TAF5L: variants seen among roughly 807,000 people sequenced by gnomAD.
TAF5L encodes the protein TATA-box binding protein associated factor 5 like, also known as TAF5-like RNA polymerase II p300/CBP-associated factor-associated factor 65 kDa subunit 5L.
A neutral mutation model predicts 51.3 loss-of-function variants in TAF5L; 7 were observed. The observed-to-expected ratio is 0.14, with a 90% CI of 0.08 to 0.26. The LOEUF (loss-of-function observed/expected upper bound fraction) is 0.26, where lower values mean the gene tolerates loss of function less well. TAF5L is among the 10% of genes least tolerant of loss of function. The pLI is 1.00. For synonymous variants in TAF5L, 291 were observed against 308.1 expected (o/e 0.94, Z 0.58); for missense variants, 575 against 758.9 (o/e 0.76, Z 2.85).
chr1:229,614,039 C>T, intron 2 of TAF5L: 1 of 603,308 alleles, frequency 1.7e-6, no homozygotes, highest in Non-Finnish European at 2.9e-6. Flanking sequence ...TAATTGTTTA[C>T]AGAAGGAAAA....
intron 4 of TAF5L, chr1:229,601,335 C>T (rs953003411): frequency 1.0e-6 from 1 of 985,232 alleles, no homozygotes; most frequent in African/African-American, 1.7e-5. Context: ...ATTTTCCATC[C>T]AAAGTAATGT....
At chr1:229,601,666 T>A in intron 4 of TAF5L, 1 of 989,768 alleles carries the variant, frequency 1.0e-6, no homozygotes, top group Non-Finnish European at 1.2e-6. Context: ...AGCCACAGGA[T>A]ATGCACTGGC....
chr1:229,614,290 G>T, intron 2 of TAF5L, 51 bp downstream of exon 2: 1 of 1,614,064 alleles, frequency 6.2e-7, no homozygotes, highest in Non-Finnish European at 8.5e-7. Context: ...GGATATTGAC[G>T]TGAGTTCTCC....
intron 1 of TAF5L, among the ~76,000 whole-genome samples, chr1:229,621,947 C>T (rs538658261): frequency 3.3e-5 from 5 of 152,196 alleles, no homozygotes; most frequent in African/African-American, 1.2e-4. Flanking sequence ...AATCCATATA[C>T]TCCTGCTGGA....
chr1:229,616,395 G>T (rs193037493), intron 1 of TAF5L, among the ~76,000 whole-genome samples: 40 of 114,320 alleles, frequency 3.5e-4, no homozygotes, highest in African/African-American at 1.1e-3. Context: ...TAGTAGAGAA[G>T]GGGTTTTGCT....
exon 2 of TAF5L, chr1:229,614,390 T>G (rs1309700951): frequency 6.2e-7 from 1 of 1,614,108 alleles, no homozygotes; most frequent in African/African-American, 1.3e-5. Context: ...GCCGCAGTCC[T>G]TGCTTCAGGG....
In TAF5L at chr1:229,594,819, C is replaced by T. The variant is rs754358895; in HGVS notation, c.1248G>A (p.Thr416=). 12 of 1,614,084 alleles carry T rather than the reference C, an allele frequency of 7.4e-6. No homozygotes were observed. Among genetic ancestry groups the T allele is most frequent in the East Asian group, 6.7e-5 (3 of 44,892 alleles). ...GTCCTGCATATATCCTCAGCGGGTA[C>T]GTCCGATCAAATGACCACAGCCTGG... The change falls in exon 5 of 5, where the codon ACG becomes ACA. Residue 416 remains threonine, a synonymous_variant. Transcript: ENST00000258281. This position sits in a 1 kb window ranked among gnomAD's most constrained non-coding sequence, Gnocchi z 7.9.
chr1:229,598,603 T>C (rs554363005), intron 4 of TAF5L, among the ~76,000 whole-genome samples: 96 of 152,164 alleles, frequency 6.3e-4, no homozygotes, highest in Non-Finnish European at 9.6e-4. Flanking sequence ...AGCAAATCCT[T>C]GGTTTGGTAT....
rs1164607212 is a variant in TAF5L, at chr1:229,625,352, C to G, written c.-4+533G>C. The stretch of plus-strand genomic sequence containing the variant: ...GACACCCTTGCAGGTAAGCACTCTC[C>G]TGCAGCAGCTAGTCTAACTCTGGCT... On this transcript the variant is annotated intron_variant, in intron 1 of 4. Coordinates refer to ENST00000258281, the Ensembl canonical transcript of TAF5L. The surrounding 1 kb of genome is among the most constrained non-coding windows in gnomAD (Gnocchi z 4.0). Among the ~76,000 whole-genome samples, 1 of 152,200 alleles carries G rather than the reference C, an allele frequency of 6.6e-6. No homozygotes were observed. The highest frequency in any genetic ancestry group is 1.5e-5 in the Non-Finnish European group (1 of 68,042).
chr1:229,595,588 G>A (rs1348911999), intron 4 of TAF5L, among the ~76,000 whole-genome samples: 2 of 152,214 alleles, frequency 1.3e-5, no homozygotes, highest in African/African-American at 4.8e-5. Flanking sequence ...ATTTCGTTAA[G>A]TCCTGACATG....
chr1:229,614,273 T>C lies in TAF5L; in HGVS notation c.142+68A>G, dbSNP rs753657752. ...CTGTCTTGAGAAGAGGAGAAGTAAT[T>C]CCACATGGATATTGACGTGAGTTCT... On this transcript the variant is annotated intron_variant, in intron 2 of 4. Transcript: ENST00000258281. 1.2e-5 allele frequency: 20 copies of C among 1,613,646 alleles called. No homozygotes were observed. In the Admixed American group the frequency reaches 3.2e-4, roughly 26 times the overall value.
At chr1:229,610,923 A>AAAAC (rs1353452281) in intron 2 of TAF5L, among the ~76,000 whole-genome samples, 1 of 152,168 alleles carries the variant, frequency 6.6e-6, no homozygotes, top group Non-Finnish European at 1.5e-5. Flanking sequence ...TTAAGTATTT[A>AAAAC]AAACAAGGTA....
intron 2 of TAF5L, among the ~76,000 whole-genome samples, chr1:229,613,364 A>G (rs1448572679): frequency 4.0e-5 from 6 of 151,826 alleles, no homozygotes; most frequent in African/African-American, 1.4e-4. Context: ...AAGAAGAAGA[A>G]GAAGAAGAAA....
intron 4 of TAF5L, chr1:229,601,827 A>C (rs1664386456): frequency 1.9e-6 from 2 of 1,032,032 alleles, no homozygotes; most frequent in Non-Finnish European, 2.3e-6. Context: ...CGACTCAGTT[A>C]TCCTACTACC....
intron 4 of TAF5L, chr1:229,600,606 T>TA: frequency 1.0e-6 from 1 of 985,484 alleles, no homozygotes; most frequent in Non-Finnish European, 1.2e-6. Flanking sequence ...ATTGCTCATA[T>TA]AAGACAGTGT....
Position 229,600,271 on chromosome 1 carries a change from T to A in TAF5L, c.972+1924A>T, listed in dbSNP as rs1396331847. 3.0e-6 allele frequency: 3 copies of A among 985,246 alleles called. No individual in the cohort carries two copies. In the East Asian group the frequency reaches 3.4e-4, roughly 112 times the overall value. 61.0% of individuals were successfully genotyped at this position (985,246 alleles called of 1,614,324 possible). A position where few individuals can be genotyped will look rare whatever the true frequency, so the allele number is the denominator to read the frequency against. On this transcript the variant is annotated intron_variant, in intron 4 of 4. Coordinates refer to ENST00000258281, the Ensembl canonical transcript of TAF5L. Reference sequence around the variant, plus strand: ...AATGGGCGGGCATGCAGGAAGCCCCTCAACAACAGAATAGGAGAATCTCAG... The same window carrying A: ...AATGGGCGGGCATGCAGGAAGCCCCACAACAACAGAATAGGAGAATCTCAG...
At chr1:229,599,959 T>C (rs1664306497) in intron 4 of TAF5L, 6 of 985,392 alleles carry the variant, frequency 6.1e-6, no homozygotes, top group Non-Finnish European at 6.0e-6. Flanking sequence ...ATCATCTCAT[T>C]AATCCATGTG....
intron 3 of TAF5L, chr1:229,607,457 AGCCT>A: frequency 5.1e-6 from 5 of 985,456 alleles, no homozygotes; most frequent in Non-Finnish European, 6.0e-6. Context: ...ACAGTCGTCA[AGCCT>A]GCCTTTTTGC....
rs201909184 is a variant in TAF5L, at chr1:229,593,739, CAATAAT to C, written c.*552_*557del. The C allele has an allele frequency of 4.0e-5, 6 of 151,322 alleles. No homozygotes were observed. The South Asian group carries it at 8.4e-4, about 21-fold the overall frequency. 9.4% of individuals were successfully genotyped at this position (151,322 alleles called of 1,614,324 possible). A position where few individuals can be genotyped will look rare whatever the true frequency, so the allele number is the denominator to read the frequency against. ...CTGCCAGTGCTAGGTTTCCTCATGTCAATAATAATAATAATTATAATTATAATAACA... is the reference window on the plus strand; with the variant it reads ...CTGCCAGTGCTAGGTTTCCTCATGTCAATAATAATTATAATTATAATAACA... On this transcript the variant is annotated 3_prime_UTR_variant, in exon 5 of 5. Coordinates refer to ENST00000258281, the Ensembl canonical transcript of TAF5L.
Sources: allele counts gnomAD v4.1 joint callset (sites outside exome capture counted in the v4.1 genomes callset), GRCh38; gene constraint gnomAD v4.1.1; non-coding constraint Gnocchi (gnomAD v3.1); transcripts MANE v1.5; gene names NCBI Gene and HGNC (gene_info 2026-07-23, HGNC 2026-07-21).